The following CADPS variants were observed in gnomAD, a reference collection of about 807,000 sequenced individuals.
CADPS encodes the protein calcium dependent secretion activator.
In CADPS, 57 loss-of-function variants were observed where a neutral mutation model predicts 167.3. The ratio of observed to expected loss-of-function variants is 0.34; its 90% CI spans 0.28 to 0.42. The LOEUF is 0.42. Among genes scored for constraint, CADPS ranks in the 20% least tolerant of loss-of-function variants. The probability of loss-of-function intolerance (pLI) is 1.00; values close to 1 mark genes in which losing one functional copy is unlikely to be tolerated. For missense variants in CADPS, 1,414 were observed against 1,738.1 expected (o/e 0.81, Z 3.32); for synonymous variants, 676 against 635.3 (o/e 1.06, Z -0.96).
chr3:62,556,445 C>T (rs930110035), intron 10 of CADPS, among the ~76,000 whole-genome samples: 1 of 152,162 alleles, frequency 6.6e-6, no homozygotes, highest in Non-Finnish European at 1.5e-5. Flanking sequence ...CTCTCAAACT[C>T]TGTTTTTCTT....
intron 28 of CADPS, among the ~76,000 whole-genome samples, chr3:62,419,539 C>T (rs1454898081): frequency 6.6e-6 from 1 of 152,122 alleles, no homozygotes; most frequent in East Asian, 1.9e-4. Context: ...CACATCCTAC[C>T]ACCCATTATC....
At chr3:62,847,096 T>A (rs1223671597) in intron 1 of CADPS, among the ~76,000 whole-genome samples, 1 of 152,154 alleles carries the variant, frequency 6.6e-6, no homozygotes, top group East Asian at 1.9e-4. Context: ...GTGAGAGCCT[T>A]TTCTAGTAGC....
At chr3:62,499,454 TA>T (rs1576875299) in intron 17 of CADPS, 186 bp from the exon 18 acceptor site, 1 of 445,048 alleles carries the variant, frequency 2.2e-6, no homozygotes, top group East Asian at 3.8e-5. Flanking sequence ...TCACCATTAT[TA>T]TAATATATAT....
chr3:62,553,512 T>C (rs765542870), intron 10 of CADPS, among the ~76,000 whole-genome samples: 1 of 152,198 alleles, frequency 6.6e-6, no homozygotes. Context: ...CTATAACCAC[T>C]GTGCTTTACT....
Position 62,399,850 on chromosome 3 carries a change from C to T in CADPS, c.3883-265G>A, listed in dbSNP as rs1169281446. Among the ~76,000 whole-genome samples the T allele has an allele frequency of 6.6e-6, 1 of 152,120 alleles. No individual in the cohort carries two copies. The stretch of plus-strand genomic sequence containing the variant: ...AACATAAGCTTGTGTTTATTCAGTT[C>T]CATAAAGGGAAATGTTCCATAATTG... On this transcript the variant is annotated intron_variant, in intron 29 of 29. Coordinates refer to ENST00000383710, the MANE Select transcript of CADPS (RefSeq NM_003716.4). The surrounding 1 kb of genome is among the most constrained non-coding windows in gnomAD (Gnocchi z 5.6).
chr3:62,507,985 G>A (rs1481892257), intron 17 of CADPS, among the ~76,000 whole-genome samples: 1 of 152,180 alleles, frequency 6.6e-6, no homozygotes, highest in Non-Finnish European at 1.5e-5. Context: ...GAAAATAAAA[G>A]TGAGGTTACA....
At chr3:62,842,209 G>A (rs759106194) in intron 1 of CADPS, among the ~76,000 whole-genome samples, 2 of 152,188 alleles carry the variant, frequency 1.3e-5, no homozygotes, top group Non-Finnish European at 2.9e-5. Flanking sequence ...CAGTGCCAAC[G>A]CTTTACGTAT....
chr3:62,545,877 G>T (rs1314312779), intron 11 of CADPS, among the ~76,000 whole-genome samples: 1 of 152,014 alleles, frequency 6.6e-6, no homozygotes, highest in Admixed American at 6.6e-5. Flanking sequence ...TTTCTATATT[G>T]CTTCCCTTCT....
intron 4 of CADPS, among the ~76,000 whole-genome samples, chr3:62,653,895 A>G (rs902585278): frequency 1.3e-5 from 2 of 152,108 alleles, no homozygotes; most frequent in Non-Finnish European, 2.9e-5. Flanking sequence ...TGCTTTTAAG[A>G]CTGGGCTAAG....
At chr3:62,755,821 A>G (rs565116935) in intron 2 of CADPS, among the ~76,000 whole-genome samples, 2 of 152,274 alleles carry the variant, frequency 1.3e-5, no homozygotes, top group African/African-American at 4.8e-5. Context: ...AATGAGCTAA[A>G]TAATTCATCT....
At chr3:62,413,996 T>C (rs1055895614) in intron 28 of CADPS, among the ~76,000 whole-genome samples, 1 of 152,204 alleles carries the variant, frequency 6.6e-6, no homozygotes, top group Non-Finnish European at 1.5e-5. Context: ...TTTGAGATTA[T>C]GAAGAACAAA....
intron 1 of CADPS, among the ~76,000 whole-genome samples, chr3:62,825,960 C>T (rs1437301386): frequency 6.6e-6 from 1 of 152,152 alleles, no homozygotes; most frequent in Non-Finnish European, 1.5e-5. Flanking sequence ...ATAAGATCTT[C>T]AAATTCCTTG....
In CADPS at chr3:62,398,480, C is replaced by T. The variant is rs1452367764; in HGVS notation, c.*926G>A. 1 of 152,556 alleles carries T rather than the reference C, an allele frequency of 6.6e-6. No individual in the cohort carries two copies. The highest frequency in any genetic ancestry group is 6.5e-5 in the Admixed American group (1 of 15,280). 9.5% of individuals were successfully genotyped at this position (152,556 alleles called of 1,614,324 possible). A position where few individuals can be genotyped will look rare whatever the true frequency, so the allele number is the denominator to read the frequency against. ...GAAAGAAATAGCTCTGCAGCAAACC[C>T]CAGGGTTGTGCAGTTACAGATCAAA... On this transcript the variant is annotated 3_prime_UTR_variant, in exon 30 of 30. Transcript: ENST00000383710.
intron 3 of CADPS, among the ~76,000 whole-genome samples, chr3:62,710,597 T>C (rs1433900595): frequency 2.0e-5 from 3 of 151,880 alleles, no homozygotes; most frequent in Admixed American, 1.3e-4. Context: ...TCTCAGTCAG[T>C]AATATACATT....
chr3:62,799,853 T>C (rs1301417195), intron 1 of CADPS, among the ~76,000 whole-genome samples: 1 of 152,168 alleles, frequency 6.6e-6, no homozygotes, highest in Admixed American at 6.6e-5. Flanking sequence ...TACATTTCTT[T>C]GACCACTTTC....
intron 21 of CADPS, among the ~76,000 whole-genome samples, chr3:62,489,822 C>T (rs1576723698): frequency 6.6e-6 from 1 of 152,148 alleles, no homozygotes; most frequent in Non-Finnish European, 1.5e-5. Flanking sequence ...GCACAACTGT[C>T]TTCATTGTAT....
chr3:62,813,682 G>T (rs967974423), intron 1 of CADPS, among the ~76,000 whole-genome samples: 1 of 152,062 alleles, frequency 6.6e-6, no homozygotes, highest in Non-Finnish European at 1.5e-5. Flanking sequence ...TACAGAATAA[G>T]ATAAGGTATT....
chr3:62,744,340 G>C (rs1367324207), intron 3 of CADPS, among the ~76,000 whole-genome samples: 5 of 150,854 alleles, frequency 3.3e-5, no homozygotes, highest in Middle Eastern at 3.4e-3. Flanking sequence ...GGGAATTAAT[G>C]TATTTTATTC....
chr3:62,644,644 G>T (rs1006267888), intron 6 of CADPS, among the ~76,000 whole-genome samples: 6 of 152,102 alleles, frequency 3.9e-5, no homozygotes, highest in African/African-American at 7.2e-5. Flanking sequence ...CAGCCCTGCT[G>T]GCCTCTTTTG....
Sources: allele counts gnomAD v4.1 joint callset (sites outside exome capture counted in the v4.1 genomes callset), GRCh38; gene constraint gnomAD v4.1.1; non-coding constraint Gnocchi (gnomAD v3.1); transcripts MANE v1.5; gene names NCBI Gene and HGNC (gene_info 2026-07-23, HGNC 2026-07-21).